SH3PXD2A: variants seen among roughly 807,000 people sequenced by gnomAD.
SH3PXD2A encodes SH3 and PX domain-containing protein 2A.
In SH3PXD2A, 32 loss-of-function variants were observed where a neutral mutation model predicts 115.2. The observed-to-expected ratio is 0.28, with a 90% confidence interval of 0.21 to 0.37. The LOEUF is 0.37. Ranked by LOEUF, SH3PXD2A falls within the 10% of genes least tolerant of loss-of-function variation. The pLI is 1.00. For synonymous variants in SH3PXD2A, 610 were observed against 629.1 expected (o/e 0.97, Z 0.45); for missense variants, 1,328 against 1,498.7 (o/e 0.89, Z 1.88).
chr10:103,603,282 C>A lies in SH3PXD2A; in HGVS notation c.1936G>T (p.Gly646Cys), dbSNP rs2036248833. 1.2e-6 allele frequency: 2 copies of A among 1,613,720 alleles called. No individual in the cohort carries two copies. The change falls in exon 15 of 15, where the codon GGC becomes TGC. Residue 646 changes from glycine to cysteine, a missense_variant. This residue lies in a region of SH3PXD2A where 509 missense variants were observed against 628.3 expected (regional missense o/e 0.81). Transcript: ENST00000369774. ...CTGGTCAGGGACAGCGAGGAGCTGCCTGGGGAGTCGCTGTCCCCGGAGGAG... is the reference window on the plus strand; with the variant it reads ...CTGGTCAGGGACAGCGAGGAGCTGCATGGGGAGTCGCTGTCCCCGGAGGAG... ...RGSSGDSDSP[G>C]SSSLSLTRKN...
chr10:103,803,098 C>T (rs1005707258), intron 1 of SH3PXD2A, among the ~76,000 whole-genome samples: 1 of 152,164 alleles, frequency 6.6e-6, no homozygotes, highest in Non-Finnish European at 1.5e-5. Flanking sequence ...TGAGCTGAAT[C>T]CAGTCTCTTC....
At chr10:103,645,410 A>G (rs2037021656) in intron 8 of SH3PXD2A, among the ~76,000 whole-genome samples, 1 of 152,162 alleles carries the variant, frequency 6.6e-6, no homozygotes, top group Non-Finnish European at 1.5e-5. Flanking sequence ...AAGCATCTCT[A>G]GCTTACCCAG....
chr10:103,788,103 T>C (rs1395236457), intron 2 of SH3PXD2A, among the ~76,000 whole-genome samples: 1 of 152,138 alleles, frequency 6.6e-6, no homozygotes, highest in African/African-American at 2.4e-5. Flanking sequence ...TCGGAGCCCC[T>C]TCCCCTCTCC....
At position 103,598,081 on chromosome 10, in the gene SH3PXD2A, A is replaced by G. The variant is rs2036159706; in HGVS notation, c.*3735T>C. ...CAATGGATATAAATGCCTGTAAAAT[A>G]CGCTGCTCTAACATCTGAAAGTGAT... On this transcript the variant is annotated 3_prime_UTR_variant, in exon 15 of 15. Coordinates refer to ENST00000369774, the MANE Select transcript of SH3PXD2A (RefSeq NM_001394015.1). 1 of 152,684 alleles carries G rather than the reference A, an allele frequency of 6.5e-6. No individual in the cohort carries two copies. The highest frequency in any genetic ancestry group is 1.5e-5 in the Non-Finnish European group (1 of 68,044). The allele number at this position is 152,684 out of a possible 1,614,324, so 9.5% of individuals were successfully genotyped here. A position where few individuals can be genotyped will look rare whatever the true frequency, so the allele number is the denominator to read the frequency against.
intron 10 of SH3PXD2A, among the ~76,000 whole-genome samples, chr10:103,618,274 G>A (rs756065424): frequency 3.3e-5 from 5 of 152,206 alleles, no homozygotes; most frequent in South Asian, 2.1e-4. Context: ...AGGAGGCCTG[G>A]GTGCCACCCG....
At chr10:103,704,729 G>A (rs72815777) in intron 5 of SH3PXD2A, among the ~76,000 whole-genome samples, 4 of 152,110 alleles carry the variant, frequency 2.6e-5, no homozygotes, top group Admixed American at 2.6e-4. Context: ...GCTAGCCTGG[G>A]TGCAGGGCGG....
At chr10:103,808,311 GCGTGATCTCAGCTCACTGCAAC>G (rs2039228657) in intron 1 of SH3PXD2A, among the ~76,000 whole-genome samples, 1 of 151,740 alleles carries the variant, frequency 6.6e-6, no homozygotes, top group East Asian at 1.9e-4. Context: ...GAGTGCAGTG[GCGTGATCTCAGCTCACTGCAAC>G]CTCCGCCTCC....
At chr10:103,693,003 G>A (rs1409792504) in intron 6 of SH3PXD2A, 25 bp downstream of exon 6, 2 of 1,608,860 alleles carry the variant, frequency 1.2e-6, no homozygotes, top group Non-Finnish European at 1.7e-6. Flanking sequence ...AAGGCTGAAG[G>A]GAAAACGCCC....
chr10:103,813,221 GA>G (rs1324431692), intron 1 of SH3PXD2A, among the ~76,000 whole-genome samples: 2 of 151,970 alleles, frequency 1.3e-5, no homozygotes, highest in African/African-American at 2.4e-5. Flanking sequence ...ACATTAAAAA[GA>G]AAAAAATACA....
intron 6 of SH3PXD2A, chr10:103,678,228 A>C (rs2037565406): frequency 7.5e-6 from 8 of 1,064,358 alleles, no homozygotes; most frequent in Non-Finnish European, 1.0e-5. Context: ...GCCTTTCCTT[A>C]CCCCATCCCT....
intron 2 of SH3PXD2A, among the ~76,000 whole-genome samples, chr10:103,796,120 A>G (rs1489231368): frequency 6.6e-6 from 1 of 152,028 alleles, no homozygotes; most frequent in Non-Finnish European, 1.5e-5. Flanking sequence ...AACACTTTGG[A>G]AGACCGAGGC....
At chr10:103,673,984 A>G (rs34065330) in intron 6 of SH3PXD2A, among the ~76,000 whole-genome samples, 158 of 152,308 alleles carry the variant, frequency 1.0e-3, no homozygotes, top group Non-Finnish European at 1.9e-3. Context: ...ATCCTTCAGT[A>G]TCTCTACACA....
In SH3PXD2A at chr10:103,841,949, C is replaced by A. The variant is rs532861668; in HGVS notation, c.72+13246G>T. Among the ~76,000 whole-genome samples the A allele has an allele frequency of 8.5e-5, 13 of 152,226 alleles. No individual in the cohort carries two copies. In the South Asian group the frequency reaches 2.7e-3, roughly 32 times the overall value. ...ACCATCCTGGCCAACATGGTGAAAT[C>A]CTGTCTCCACTAAAAATACAAAAAA... On this transcript the variant is annotated intron_variant, in intron 1 of 14. Coordinates refer to ENST00000369774, the MANE Select transcript of SH3PXD2A (RefSeq NM_001394015.1).
Position 103,855,292 on chromosome 10 carries a change from CCCGGCGG to C in SH3PXD2A, c.-33_-27del. 1.3e-6 allele frequency: 2 copies of C among 1,497,468 alleles called. No homozygotes were observed. Among genetic ancestry groups the C allele is most frequent in the Non-Finnish European group, 1.8e-6 (2 of 1,118,456 alleles). 92.8% of individuals were successfully genotyped at this position (1,497,468 alleles called of 1,614,324 possible). A position where few individuals can be genotyped will look rare whatever the true frequency, so the allele number is the denominator to read the frequency against. On this transcript the variant is annotated 5_prime_UTR_variant, in exon 1 of 15. Transcript: ENST00000369774. ...CTTCCCCCACAAAGCGAGTGGCGCC[CCCGGCGG>C]CGTCACCTTCTCATCCCGGCCGGGC...
chr10:103,828,193 T>C (rs2039449249), intron 1 of SH3PXD2A, among the ~76,000 whole-genome samples: 1 of 152,204 alleles, frequency 6.6e-6, no homozygotes, highest in African/African-American at 2.4e-5. Context: ...AAGCGAATGC[T>C]TACGCTAGGG....
intron 1 of SH3PXD2A, among the ~76,000 whole-genome samples, chr10:103,805,023 A>T (rs1047578967): frequency 2.6e-5 from 4 of 152,194 alleles, no homozygotes; most frequent in African/African-American, 7.2e-5. Flanking sequence ...CAAGAGGCCA[A>T]TCCGCCCCTG....
At chr10:103,630,954 A>G (rs1477772852) in intron 8 of SH3PXD2A, among the ~76,000 whole-genome samples, 2 of 152,132 alleles carry the variant, frequency 1.3e-5, no homozygotes, top group Non-Finnish European at 2.9e-5. Context: ...CGAGACCCCC[A>G]GTGGATGCCT....
chr10:103,778,966 C>T (rs1487385396), intron 2 of SH3PXD2A, among the ~76,000 whole-genome samples: 2 of 152,194 alleles, frequency 1.3e-5, no homozygotes, highest in African/African-American at 4.8e-5. Context: ...CAAAAGGAGT[C>T]AGATAAGAGA....
intron 8 of SH3PXD2A, among the ~76,000 whole-genome samples, chr10:103,630,225 G>T (rs2036758324): frequency 6.6e-6 from 1 of 152,238 alleles, no homozygotes; most frequent in Admixed American, 6.5e-5. Context: ...TTTGCAAGGG[G>T]CTCTGCCTGG....
Sources: allele counts gnomAD v4.1 joint callset (sites outside exome capture counted in the v4.1 genomes callset), GRCh38; gene constraint gnomAD v4.1.1; regional missense constraint gnomAD v4.1.1; transcripts MANE v1.5; gene names NCBI Gene and HGNC (gene_info 2026-07-23, HGNC 2026-07-21).